Variants in AGBL4 observed in about 807,000 individuals in gnomAD.
AGBL4 encodes the protein AGBL carboxypeptidase 4.
Under a neutral mutation model 66.4 loss-of-function variants are expected in AGBL4, and 58 were observed. The ratio of observed to expected loss-of-function variants is 0.87; its 90% CI spans 0.71 to 1.09. The LOEUF (loss-of-function observed/expected upper bound fraction) is 1.09. AGBL4 is among the 50% of genes least tolerant of loss of function. AGBL4 has a pLI of 0.00. For synonymous variants in AGBL4, 234 were observed against 222.9 expected (o/e 1.05, Z -0.44); for missense variants, 579 against 631.0 (o/e 0.92, Z 0.88).
chr1:48,715,278 T>C (rs925952319), intron 6 of AGBL4, among the ~76,000 whole-genome samples: 2 of 152,156 alleles, frequency 1.3e-5, no homozygotes, highest in Non-Finnish European at 2.9e-5. Context: ...TTGCCTCCCC[T>C]GGGACACTCA....
At chr1:49,628,296 G>A (rs1014927449) in intron 3 of AGBL4, among the ~76,000 whole-genome samples, 3 of 151,980 alleles carry the variant, frequency 2.0e-5, no homozygotes, top group African/African-American at 7.3e-5. Context: ...TAGCACAAGG[G>A]ACAGAGGAAC....
chr1:49,631,366 T>C (rs1385620856), intron 3 of AGBL4, among the ~76,000 whole-genome samples: 1 of 152,182 alleles, frequency 6.6e-6, no homozygotes, highest in Non-Finnish European at 1.5e-5. Flanking sequence ...TCTCCCTTAA[T>C]TGCTTTTTGA....
intron 3 of AGBL4, among the ~76,000 whole-genome samples, chr1:49,592,473 G>C: frequency 6.6e-6 from 1 of 152,176 alleles, no homozygotes. Flanking sequence ...GGGAGGCTGA[G>C]GCAGGAGAAT....
At chr1:49,375,601 G>T (rs1216433784) in intron 3 of AGBL4, among the ~76,000 whole-genome samples, 2 of 152,016 alleles carry the variant, frequency 1.3e-5, no homozygotes, top group African/African-American at 4.8e-5. Context: ...CAAAACCAAA[G>T]AAGCAAAATG....
chr1:49,788,440 A>G (rs1644514246), intron 2 of AGBL4, among the ~76,000 whole-genome samples: 2 of 152,026 alleles, frequency 1.3e-5, no homozygotes, highest in South Asian at 2.1e-4. Flanking sequence ...AAACTCCATC[A>G]ATACAGATGG....
At position 49,901,750 on chromosome 1, in the gene AGBL4, A is replaced by T. The variant is rs953741925; in HGVS notation, c.35-50232T>A. The stretch of plus-strand genomic sequence containing the variant: ...AGCCAAGGCAATCCTATGCAAAAAG[A>T]ACAAAGCTGGAGGCATCACATTATC... On this transcript the variant is annotated intron_variant, in intron 1 of 13. Transcript: ENST00000371839. 2.6e-5 allele frequency among the ~76,000 whole-genome samples: 4 copies of T among 152,340 alleles called. No individual in the cohort carries two copies. The South Asian group carries it at 8.3e-4, about 32-fold the overall frequency.
chr1:48,844,188 C>A (rs926485405), intron 6 of AGBL4, among the ~76,000 whole-genome samples: 4 of 152,176 alleles, frequency 2.6e-5, no homozygotes, highest in Non-Finnish European at 5.9e-5. Context: ...CCTCTCACTG[C>A]AGGATCTTTA....
intron 3 of AGBL4, among the ~76,000 whole-genome samples, chr1:49,513,584 CATG>C (rs751847557): frequency 1.3e-5 from 2 of 151,956 alleles, no homozygotes; most frequent in Non-Finnish European, 2.9e-5. Flanking sequence ...CTTCAAAGGA[CATG>C]ATGATTGATT....
At chr1:48,793,784 A>T (rs1024679369) in intron 6 of AGBL4, among the ~76,000 whole-genome samples, 2 of 152,194 alleles carry the variant, frequency 1.3e-5, no homozygotes, top group Non-Finnish European at 1.5e-5. Flanking sequence ...CACTCTTTCA[A>T]GCTGTTTAGG....
intron 6 of AGBL4, among the ~76,000 whole-genome samples, chr1:48,678,507 T>C (rs1448811271): frequency 6.6e-6 from 1 of 152,124 alleles, no homozygotes; most frequent in Non-Finnish European, 1.5e-5. Flanking sequence ...CAGCCCACAG[T>C]GGACTGAGCT....
At chr1:49,723,609 T>C (rs1417772150) in intron 2 of AGBL4, among the ~76,000 whole-genome samples, 1 of 152,184 alleles carries the variant, frequency 6.6e-6, no homozygotes, top group Non-Finnish European at 1.5e-5. Flanking sequence ...TGTCTGGTCA[T>C]CAAAGCCTTC....
intron 5 of AGBL4, among the ~76,000 whole-genome samples, chr1:49,015,835 AAG>A (rs1376404042): frequency 6.6e-6 from 1 of 152,168 alleles, no homozygotes; most frequent in Non-Finnish European, 1.5e-5. Context: ...GTTTTAAAGA[AAG>A]AAACCCGAGT....
At chr1:48,599,588 A>C (rs1196772584) in intron 9 of AGBL4, among the ~76,000 whole-genome samples, 5 of 152,236 alleles carry the variant, frequency 3.3e-5, no homozygotes, top group African/African-American at 1.2e-4. Context: ...GTGAGAAGGC[A>C]TATTTAATAA....
At chr1:48,996,283 T>C (rs1195519612) in intron 5 of AGBL4, among the ~76,000 whole-genome samples, 1 of 152,178 alleles carries the variant, frequency 6.6e-6, no homozygotes, top group Admixed American at 6.5e-5. Context: ...AAAATGTAGA[T>C]ATGGAACTCA....
At chr1:49,332,132 A>G (rs17534292) in intron 3 of AGBL4, among the ~76,000 whole-genome samples, 78,964 of 152,006 alleles carry the variant, frequency 0.52, 21,780 homozygotes, top group Non-Finnish European at 0.62. Context: ...CTCTGACCAC[A>G]TTTGAATGCC....
At chr1:49,666,503 T>A (rs1221429251) in intron 3 of AGBL4, among the ~76,000 whole-genome samples, 2 of 150,594 alleles carry the variant, frequency 1.3e-5, no homozygotes, top group Non-Finnish European at 3.0e-5. Flanking sequence ...GAGGTGGAGG[T>A]TGCAGTGAGC....
chr1:49,427,474 C>T (rs570877246), intron 3 of AGBL4, among the ~76,000 whole-genome samples: 5 of 152,092 alleles, frequency 3.3e-5, no homozygotes, highest in African/African-American at 4.8e-5. Context: ...TGGTTCCTTC[C>T]GGTGGGTTCT....
In AGBL4 at chr1:50,003,280, G is replaced by A. The variant is rs888692672; in HGVS notation, c.34+20483C>T. Among the ~76,000 whole-genome samples, 6 of 152,328 alleles carry A rather than the reference G, an allele frequency of 3.9e-5. No homozygotes were observed. The East Asian group carries it at 1.2e-3, about 29-fold the overall frequency. Reference sequence around the variant, plus strand: ...TTTTGAAAATGAGTAAATGAAACTTGCAAGGCAAAGAGACAGATAGTTTCG... The same window carrying A: ...TTTTGAAAATGAGTAAATGAAACTTACAAGGCAAAGAGACAGATAGTTTCG... On this transcript the variant is annotated intron_variant, in intron 1 of 13. Transcript: ENST00000371839.
chr1:49,562,366 T>G (rs1484462317), intron 3 of AGBL4, among the ~76,000 whole-genome samples: 38 of 152,154 alleles, frequency 2.5e-4, no homozygotes, highest in South Asian at 1.9e-3. Context: ...TGGTGTTTTA[T>G]ACATGAAGTC....
Sources: allele counts gnomAD v4.1 joint callset (sites outside exome capture counted in the v4.1 genomes callset), GRCh38; gene constraint gnomAD v4.1.1; transcripts MANE v1.5; gene names NCBI Gene and HGNC (gene_info 2026-07-23, HGNC 2026-07-21).